NPIPA1: variants seen among roughly 807,000 people sequenced by gnomAD.
The protein encoded by NPIPA1 is nuclear pore complex interacting protein family member A1.
For missense variants in NPIPA1, 22 were observed against 232.2 expected, an observed-to-expected ratio of 0.09 and a Z score of 5.88; for synonymous variants, 7 against 88.0, an observed-to-expected ratio of 0.08 and a Z score of 5.15.
In NPIPA1 at chr16:14,951,880, A is replaced by G. The variant is rs1376954087; in HGVS notation, c.908A>G (p.Asp303Gly). The G allele has an allele frequency of 6.3e-7, 1 of 1,583,050 alleles. No individual in the cohort carries two copies. Among genetic ancestry groups the G allele is most frequent in the African/African-American group, 1.4e-5 (1 of 72,838 alleles). The change falls in exon 8 of 8, where the codon GAT becomes GGT. Residue 303 changes from aspartate to glycine, a missense_variant. By Grantham distance (94) the Asp-to-Gly change is moderately conservative (BLOSUM62 -1). Coordinates refer to ENST00000328085, the MANE Select transcript of NPIPA1 (RefSeq NM_006985.4). ...LLYPLPPSAD[D>G]NLKTPPECLL... ...TATCCCCTTCCACCCTCAGCGGATG[A>G]TAATCTCAAGACACCTCCCGAGTGT...
At chr16:14,940,343 T>C (rs530688478) in intron 1 of NPIPA1, among the ~76,000 whole-genome samples, 227 of 151,716 alleles carry the variant, frequency 1.5e-3, no homozygotes, top group African/African-American at 5.0e-3. Flanking sequence ...TTAGAGGGAT[T>C]CTTTTACCAT....
At chr16:14,939,434 C>T (rs1357499312) in intron 1 of NPIPA1, among the ~76,000 whole-genome samples, 1 of 137,392 alleles carries the variant, frequency 7.3e-6, no homozygotes, top group East Asian at 3.1e-4. Flanking sequence ...ATTATGTCAC[C>T]CCAGAAAGTG....
intron 1 of NPIPA1, 148 bp from the exon 2 acceptor site, chr16:14,941,664 T>C (rs1965758086): frequency 5.0e-5 from 4 of 80,406 alleles, no homozygotes; most frequent in Non-Finnish European, 8.4e-5. Context: ...ACTTCTGTTC[T>C]TTTTTGTAGC....
At chr16:14,941,085 A>G (rs1201620824) in intron 1 of NPIPA1, among the ~76,000 whole-genome samples, 3 of 150,448 alleles carry the variant, frequency 2.0e-5, no homozygotes, top group Non-Finnish European at 4.4e-5. Context: ...CCGAGAGCAC[A>G]CCACTGCACT....
At chr16:14,938,757 A>G (rs373153299) in intron 1 of NPIPA1, among the ~76,000 whole-genome samples, 1 of 152,058 alleles carries the variant, frequency 6.6e-6, no homozygotes. Flanking sequence ...TTTTTTTTTT[A>G]AGACAGAGTC....
intron 1 of NPIPA1, among the ~76,000 whole-genome samples, chr16:14,940,171 G>A (rs1965713872): frequency 8.9e-6 from 1 of 112,400 alleles, no homozygotes; most frequent in Non-Finnish European, 1.8e-5. Context: ...TGGGATTGCA[G>A]GCGTGAGCCA....
intron 1 of NPIPA1, among the ~76,000 whole-genome samples, chr16:14,938,750 T>G (rs1364371749): frequency 1.3e-5 from 2 of 152,146 alleles, no homozygotes; most frequent in East Asian, 3.9e-4. Context: ...GACTTTTTTT[T>G]TTTTTTAAGA....
intron 1 of NPIPA1, among the ~76,000 whole-genome samples, chr16:14,940,276 T>A (rs867598381): frequency 1.7e-5 from 2 of 117,266 alleles, no homozygotes; most frequent in Admixed American, 9.4e-5. Flanking sequence ...TTTTTTTTTT[T>A]ACTTATGCTG....
chr16:14,937,893 G>A lies in NPIPA1; in HGVS notation c.63+388G>A, dbSNP rs1221252766. ...CCCTCTAATTGCTCCTAAGCCTCAC[G>A]CTCCCTTGCCCCGCGTGTCCTGTTG... On this transcript the variant is annotated intron_variant, in intron 1 of 7. Transcript: ENST00000328085. 1.2e-4 allele frequency among the ~76,000 whole-genome samples: 18 copies of A among 145,340 alleles called. 1 individual carries two copies. Among genetic ancestry groups the A allele is most frequent in the East Asian group, 8.1e-4 (3 of 3,684 alleles).
At chr16:14,938,683 A>G (rs575984869) in intron 1 of NPIPA1, among the ~76,000 whole-genome samples, 30 of 149,450 alleles carry the variant, frequency 2.0e-4, no homozygotes, top group Admixed American at 8.7e-4. Context: ...GTCTCTAACA[A>G]ACAAAACGGA....
intron 1 of NPIPA1, among the ~76,000 whole-genome samples, chr16:14,941,210 G>A (rs1367646133): frequency 6.6e-6 from 1 of 150,650 alleles, no homozygotes; most frequent in African/African-American, 2.4e-5. Flanking sequence ...GGCCGAGGCA[G>A]GCAGATCGCC....
intron 4 of NPIPA1, among the ~76,000 whole-genome samples, chr16:14,947,318 T>C (rs1965914525): frequency 6.6e-6 from 1 of 152,114 alleles, no homozygotes; most frequent in African/African-American, 2.4e-5. Flanking sequence ...TTCTGGGGGA[T>C]GGTCAGGGGT....
At chr16:14,947,689 A>G (rs556743459) in intron 4 of NPIPA1, among the ~76,000 whole-genome samples, 19 of 152,204 alleles carry the variant, frequency 1.2e-4, no homozygotes, top group African/African-American at 3.1e-4. Flanking sequence ...GATGTATTCA[A>G]TCATGGGTTT....
intron 2 of NPIPA1, among the ~76,000 whole-genome samples, chr16:14,944,963 G>A (rs1375371928): frequency 3.4e-5 from 5 of 148,730 alleles, no homozygotes; most frequent in Admixed American, 1.4e-4. Context: ...CCATGTTGGA[G>A]TGCAATGGCA....
At chr16:14,941,165 C>T (rs1430684663) in intron 1 of NPIPA1, among the ~76,000 whole-genome samples, 18 of 151,722 alleles carry the variant, frequency 1.2e-4, no homozygotes, top group Non-Finnish European at 1.8e-4. Context: ...TGGCCGGGCA[C>T]GGTGGCTCAC....
At chr16:14,946,885 G>C (rs1388345977) in intron 4 of NPIPA1, among the ~76,000 whole-genome samples, 1 of 152,160 alleles carries the variant, frequency 6.6e-6, no homozygotes, top group Non-Finnish European at 1.5e-5. Flanking sequence ...AGTAGAGGCG[G>C]GGTTTCACCA....
chr16:14,948,872 G>T (rs1443507506), intron 4 of NPIPA1, 58 bp from the exon 5 acceptor site: 1 of 198,682 alleles, frequency 5.0e-6, no homozygotes, highest in East Asian at 4.4e-4. Context: ...TGCCAGAAGG[G>T]CAGAGGGAAT....
chr16:14,941,496 T>C (rs1486396334), intron 1 of NPIPA1: 1 of 184,692 alleles, frequency 5.4e-6, no homozygotes, highest in Admixed American at 6.0e-5. Flanking sequence ...TTAGTGTTAG[T>C]GTATGTTATG....
rs1357586463 is a variant in NPIPA1 at position 14,946,903 on chromosome 16, C to T, written c.437+922C>T. Among the ~76,000 whole-genome samples, 5 of 152,298 alleles carry T rather than the reference C, an allele frequency of 3.3e-5. No homozygotes were observed. In the East Asian group the frequency reaches 7.8e-4, roughly 24 times the overall value. On this transcript the variant is annotated intron_variant, in intron 4 of 7. Coordinates refer to ENST00000328085, the MANE Select transcript of NPIPA1 (RefSeq NM_006985.4). Reference sequence around the variant, plus strand: ...AGAGGCGGGGTTTCACCATATTGGCCAAGCTGGTCTAGAACTCCTGACATC... The same window carrying T: ...AGAGGCGGGGTTTCACCATATTGGCTAAGCTGGTCTAGAACTCCTGACATC...
Sources: gnomAD v4.1 joint callset for allele counts (sites outside exome capture counted in the v4.1 genomes callset) on GRCh38, gnomAD v4.1.1 for gene constraint, MANE v1.5 for transcripts, NCBI Gene and HGNC (gene_info 2026-07-23, HGNC 2026-07-21) for gene names.